STXBP5L: variants seen among roughly 807,000 people sequenced by gnomAD.
STXBP5L encodes syntaxin-binding protein 5-like.
STXBP5L carries 65 observed loss-of-function variants against 144.5 expected under a neutral mutation model. The ratio of observed to expected loss-of-function variants is 0.45; its 90% confidence interval spans 0.37 to 0.55. The LOEUF (loss-of-function observed/expected upper bound fraction) is 0.55. STXBP5L is among the 20% of genes least tolerant of loss of function. STXBP5L has a pLI of 0.00. For missense variants in STXBP5L, 1,298 were observed against 1,405.5 expected, an observed-to-expected ratio of 0.92 and a Z score of 1.22; for synonymous variants, 505 against 469.6, an observed-to-expected ratio of 1.08 and a Z score of -0.97.
intron 3 of STXBP5L, among the ~76,000 whole-genome samples, chr3:121,031,298 CATGTATGTGCATACATAT>C (rs1294555685): frequency 1.2e-4 from 18 of 151,968 alleles, no homozygotes; most frequent in Non-Finnish European, 1.5e-4. Flanking sequence ...TGTTTATGTA[CATGTATGTGCATACATAT>C]ATGTATATGT....
At chr3:120,946,229 A>G (rs999545641) in intron 2 of STXBP5L, among the ~76,000 whole-genome samples, 8 of 151,162 alleles carry the variant, frequency 5.3e-5, no homozygotes, top group Non-Finnish European at 1.0e-4. Flanking sequence ...TCTGTCTTTT[A>G]TGAATATGTC....
At chr3:121,409,729 C>T (rs1446397471) in intron 23 of STXBP5L, among the ~76,000 whole-genome samples, 1 of 151,932 alleles carries the variant, frequency 6.6e-6, no homozygotes, top group Non-Finnish European at 1.5e-5. Flanking sequence ...AACACAGCCA[C>T]ACCCATGTTT....
chr3:121,119,197 T>G (rs1383320639), intron 6 of STXBP5L, among the ~76,000 whole-genome samples: 1 of 151,528 alleles, frequency 6.6e-6, no homozygotes, highest in Non-Finnish European at 1.5e-5. Context: ...AAATTTGGAC[T>G]TTTTGGTGAA....
intron 9 of STXBP5L, among the ~76,000 whole-genome samples, chr3:121,174,129 G>A (rs557543730): frequency 1.3e-5 from 2 of 152,142 alleles, no homozygotes; most frequent in African/African-American, 2.4e-5. Flanking sequence ...CAGAGTTGTA[G>A]TGTGGATTAT....
chr3:121,172,395 G>A (rs1215639437), intron 9 of STXBP5L, among the ~76,000 whole-genome samples: 7 of 152,164 alleles, frequency 4.6e-5, no homozygotes, highest in Non-Finnish European at 1.5e-5. Context: ...AGAGTGGACA[G>A]GCAACCTACA....
At chr3:120,947,756 G>A (rs1264993503) in intron 2 of STXBP5L, among the ~76,000 whole-genome samples, 4 of 151,830 alleles carry the variant, frequency 2.6e-5, no homozygotes, top group African/African-American at 7.2e-5. Flanking sequence ...CATTTTCAAG[G>A]TTCATCTATG....
chr3:121,163,924 T>TTTAA (rs1443795202), intron 9 of STXBP5L, among the ~76,000 whole-genome samples: 1 of 152,176 alleles, frequency 6.6e-6, no homozygotes, highest in Non-Finnish European at 1.5e-5. Context: ...GAGCTTAAAC[T>TTTAA]TTGTTCTTTA....
At chr3:121,190,812 C>A (rs1328186012) in intron 9 of STXBP5L, among the ~76,000 whole-genome samples, 1 of 151,760 alleles carries the variant, frequency 6.6e-6, no homozygotes, top group Non-Finnish European at 1.5e-5. Flanking sequence ...AGGGGCTCCT[C>A]ACTTCTCAGA....
At chr3:120,983,282 G>C (rs1941974277) in intron 3 of STXBP5L, among the ~76,000 whole-genome samples, 1 of 152,080 alleles carries the variant, frequency 6.6e-6, no homozygotes, top group Non-Finnish European at 1.5e-5. Context: ...GCAGCACTGT[G>C]GGTCTGCCAT....
intron 7 of STXBP5L, among the ~76,000 whole-genome samples, chr3:121,123,395 C>T (rs909175285): frequency 4.0e-5 from 6 of 151,524 alleles, no homozygotes; most frequent in African/African-American, 1.2e-4. Flanking sequence ...CTAAATGTCT[C>T]TTAATAGAAT....
At chr3:121,417,807 T>A (rs1368090461) in intron 25 of STXBP5L, among the ~76,000 whole-genome samples, 1 of 152,202 alleles carries the variant, frequency 6.6e-6, no homozygotes, top group Non-Finnish European at 1.5e-5. Flanking sequence ...AAATGTTATG[T>A]TTGTTTTATA....
intron 5 of STXBP5L, among the ~76,000 whole-genome samples, chr3:121,092,929 G>A (rs7624545): frequency 0.099 from 15,096 of 152,010 alleles, 1,184 homozygotes; most frequent in Admixed American, 0.2. Context: ...AGCTGTTATT[G>A]TTTTGAGATA....
At chr3:121,212,854 T>G (rs2048631373) in intron 10 of STXBP5L, among the ~76,000 whole-genome samples, 1 of 152,232 alleles carries the variant, frequency 6.6e-6, no homozygotes, top group Admixed American at 6.5e-5. Flanking sequence ...TAGCATGGAA[T>G]GCTTTTCCAT....
chr3:121,109,046 A>G (rs1434917770), intron 5 of STXBP5L, among the ~76,000 whole-genome samples: 2 of 152,170 alleles, frequency 1.3e-5, no homozygotes, highest in Non-Finnish European at 2.9e-5. Flanking sequence ...ATTTGTTTAT[A>G]GTATTCTCTG....
At chr3:121,168,860 G>C (rs938644305) in intron 9 of STXBP5L, among the ~76,000 whole-genome samples, 1 of 152,058 alleles carries the variant, frequency 6.6e-6, no homozygotes, top group Non-Finnish European at 1.5e-5. Context: ...GATACTCCTC[G>C]AGAAGAGCAT....
At chr3:120,913,830 G>C (rs2107557279) in intron 2 of STXBP5L, among the ~76,000 whole-genome samples, 1 of 152,150 alleles carries the variant, frequency 6.6e-6, no homozygotes, top group East Asian at 1.9e-4. Context: ...GTATAGAATG[G>C]TGCCTGGCCC....
Position 121,378,827 on chromosome 3 carries a change from C to A in STXBP5L, c.2288C>A (p.Pro763Gln). 1 of 1,613,698 alleles carries A rather than the reference C, an allele frequency of 6.2e-7. No individual in the cohort carries two copies. ...AATCGCTGGGGTCCTGGAAGACCACCATTTCGAAAGGCCCAGTCAGCAGCC... is the reference window on the plus strand; with the variant it reads ...AATCGCTGGGGTCCTGGAAGACCACAATTTCGAAAGGCCCAGTCAGCAGCC... Reference protein sequence around the residue: ...KVNRWGPGRPPFRKAQSAACM... With the variant: ...KVNRWGPGRPQFRKAQSAACM... The change falls in exon 21 of 27, where the codon CCA becomes CAA. Residue 763 changes from proline to glutamine, a missense_variant. By Grantham distance (76) the Pro-to-Gln change is moderately conservative. Coordinates refer to ENST00000471454, the MANE Select transcript of STXBP5L (RefSeq NM_001308330.2).
intron 20 of STXBP5L, among the ~76,000 whole-genome samples, chr3:121,351,030 G>A (rs1449063967): frequency 6.6e-6 from 1 of 151,608 alleles, no homozygotes; most frequent in Non-Finnish European, 1.5e-5. Context: ...AGGAGGAGAG[G>A]CGCTCTGGTT....
intron 5 of STXBP5L, among the ~76,000 whole-genome samples, chr3:121,083,135 G>A (rs958671955): frequency 3.3e-5 from 5 of 152,130 alleles, no homozygotes; most frequent in Non-Finnish European, 7.4e-5. Context: ...GGAGGTGGAG[G>A]TTGCAGTGAG....
Sources: gnomAD v4.1 joint callset for allele counts (sites outside exome capture counted in the v4.1 genomes callset) on GRCh38, gnomAD v4.1.1 for gene constraint, MANE v1.5 for transcripts, NCBI Gene and HGNC (gene_info 2026-07-23, HGNC 2026-07-21) for gene names.